Variants in UTRN observed in about 807,000 individuals in gnomAD.
The protein encoded by UTRN is utrophin.
In UTRN, 283 loss-of-function variants were observed where a neutral mutation model predicts 463.9. That is an observed-to-expected ratio of 0.61 (90% CI 0.55 to 0.67). The LOEUF (loss-of-function observed/expected upper bound fraction) is 0.67, where lower values mean the gene tolerates loss of function less well. UTRN is among the 30% of genes least tolerant of loss of function. The pLI is 0.00. For synonymous variants in UTRN, 1,442 were observed against 1,431.5 expected, an observed-to-expected ratio of 1.01 and a Z score of -0.17; for missense variants, 3,922 against 4,084.3, an observed-to-expected ratio of 0.96 and a Z score of 1.08.
At chr6:144,370,917 G>A (rs1200293145) in intron 2 of UTRN, among the ~76,000 whole-genome samples, 1 of 152,156 alleles carries the variant, frequency 6.6e-6, no homozygotes, top group Non-Finnish European at 1.5e-5. Context: ...AAGATCAAGT[G>A]AGCTTTTGCC....
chr6:144,835,888 A>T lies in UTRN; in HGVS notation c.9774A>T (p.Glu3258Asp). The change falls in exon 70 of 75, where the codon GAA becomes GAT. Residue 3258 changes from glutamate (E) to aspartate (D), a missense_variant. Physicochemically the swap from Glu to Asp is conservative, Grantham distance 45 (BLOSUM62 2). Transcript: ENST00000367545. ...PAQILKSVER[E>D]ERGELERIIA... ...AGATCCTGAAGTCAGTAGAGAGGGA[A>T]GAACGTGGAGAACTGGAGAGGATCA... is the stretch of plus-strand genomic sequence containing the variant. 2.5e-6 allele frequency: 4 copies of T among 1,614,150 alleles called. No homozygotes were observed. Among genetic ancestry groups the T allele is most frequent in the Non-Finnish European group, 2.5e-6 (3 of 1,179,982 alleles).
intron 2 of UTRN, among the ~76,000 whole-genome samples, chr6:144,309,488 G>A (rs1409847089): frequency 6.6e-6 from 1 of 152,146 alleles, no homozygotes; most frequent in Non-Finnish European, 1.5e-5. Context: ...CCCAGTTTTG[G>A]AGTCATCTTT....
rs1188956337 is a variant in UTRN at position 144,604,091 on chromosome 6, T to C, written c.7479+26803T>C. ...AGATACTGTTTTACATTTGATTATG[T>C]TACTTTCGAGGTCTATGAGCCCTTT... On this transcript the variant is annotated intron_variant, in intron 51 of 74. Transcript: ENST00000367545. 2.6e-5 allele frequency among the ~76,000 whole-genome samples: 4 copies of C among 152,228 alleles called. No homozygotes were observed. In the East Asian group the frequency reaches 7.7e-4, roughly 29 times the overall value.
intron 23 of UTRN, among the ~76,000 whole-genome samples, chr6:144,469,168 A>T (rs1199298041): frequency 6.6e-6 from 1 of 152,236 alleles, no homozygotes; most frequent in Non-Finnish European, 1.5e-5. Context: ...TACAGGATAG[A>T]ACAAGCATTA....
chr6:144,463,299 C>T (rs1282774562), intron 23 of UTRN, among the ~76,000 whole-genome samples: 1 of 152,110 alleles, frequency 6.6e-6, no homozygotes, highest in Non-Finnish European at 1.5e-5. Context: ...AGGCCATTGA[C>T]AGTGTCAGAG....
In UTRN at chr6:144,285,522, C is replaced by T. The variant is rs747676863; in HGVS notation, c.-392C>T. Among the ~76,000 whole-genome samples, 3 of 152,216 alleles carry T rather than the reference C, an allele frequency of 2.0e-5. No homozygotes were observed. Among genetic ancestry groups the T allele is most frequent in the Non-Finnish European group, 4.4e-5 (3 of 68,028 alleles). On this transcript the variant is annotated 5_prime_UTR_variant, in exon 1 of 75. Coordinates refer to ENST00000367545, the MANE Select transcript of UTRN (RefSeq NM_007124.3). ...GTTTGGCAAAGTTGGTGCCTGCGCG[C>T]CCCTTCCAGGTTTGCGCTTTGACTG...
chr6:144,470,127 G>C (rs71503181), intron 23 of UTRN, among the ~76,000 whole-genome samples: 1 of 152,146 alleles, frequency 6.6e-6, no homozygotes, highest in Non-Finnish European at 1.5e-5. Context: ...GCAACAATCC[G>C]ATCTCTCCTT....
intron 40 of UTRN, among the ~76,000 whole-genome samples, 185 bp downstream of exon 40, chr6:144,522,356 A>C (rs1438860501): frequency 6.6e-6 from 1 of 152,202 alleles, no homozygotes; most frequent in African/African-American, 2.4e-5. Context: ...TGAATTTTTA[A>C]AAAGTGGGTA....
intron 2 of UTRN, among the ~76,000 whole-genome samples, chr6:144,343,437 G>A (rs938519117): frequency 6.8e-6 from 1 of 147,892 alleles, no homozygotes; most frequent in East Asian, 1.9e-4. Flanking sequence ...GTGGGCACCT[G>A]TAATCCCAGC....
At position 144,542,813 on chromosome 6, in the gene UTRN, A is replaced by T; in HGVS notation, c.6538A>T (p.Thr2180Ser). 1 of 1,613,710 alleles carries T rather than the reference A, an allele frequency of 6.2e-7. No individual in the cohort carries two copies. Among genetic ancestry groups the T allele is most frequent in the Non-Finnish European group, 8.5e-7 (1 of 1,179,818 alleles). Residue 2180 changes from threonine to serine, a missense_variant, in exon 46 of 75, where the codon ACC becomes TCC. By Grantham distance (58) the Thr-to-Ser change is moderately conservative (BLOSUM62 1). Coordinates refer to ENST00000367545, the MANE Select transcript of UTRN (RefSeq NM_007124.3). ...GCGGTAGATTTGCAGAGAGGTGCCT[A>T]CCACCCTGAAGGAATGCATCCAGGA... is the stretch of plus-strand genomic sequence containing the variant. ...TWNKICREVP[T>S]TLKECIQEPS...
intron 43 of UTRN, among the ~76,000 whole-genome samples, chr6:144,534,548 G>T (rs1212343986): frequency 1.3e-5 from 2 of 152,176 alleles, no homozygotes; most frequent in Non-Finnish European, 2.9e-5. Context: ...TGCATGCCTT[G>T]ACTATTCATA....
At chr6:144,665,934 C>A (rs1346373793) in intron 51 of UTRN, among the ~76,000 whole-genome samples, 1 of 152,144 alleles carries the variant, frequency 6.6e-6, no homozygotes, top group Admixed American at 6.5e-5. Context: ...TGCCATGGCC[C>A]CTCTGTGCAC....
chr6:144,458,968 A>C lies in UTRN; in HGVS notation c.2483A>C (p.Glu828Ala), dbSNP rs1789141121. 6.8e-6 allele frequency: 11 copies of C among 1,612,304 alleles called. No individual in the cohort carries two copies. Among genetic ancestry groups the C allele is most frequent in the Non-Finnish European group, 9.3e-6 (11 of 1,179,500 alleles). Reference sequence around the variant, plus strand: ...TGGGTAAAACACACTTCCATTTCTGAATCTTCCCGGCAGTCCTTGCCAAGC... The same window carrying C: ...TGGGTAAAACACACTTCCATTTCTGCATCTTCCCGGCAGTCCTTGCCAAGC... Reference protein sequence around the residue: ...EEWVKHTSISESSRQSLPSLK... With the variant: ...EEWVKHTSISASSRQSLPSLK... Residue 828 changes from glutamate to alanine, a missense_variant, in exon 20 of 75, where the codon GAA (glutamate) becomes GCA (alanine). Around this residue, in one of 3 missense-constraint regions of UTRN, gnomAD observed 2,349 missense variants for 2,303.8 expected, o/e 1.02. Coordinates refer to ENST00000367545, the MANE Select transcript of UTRN (RefSeq NM_007124.3).
intron 62 of UTRN, among the ~76,000 whole-genome samples, chr6:144,790,359 T>C (rs1391307311): frequency 6.6e-6 from 1 of 152,210 alleles, no homozygotes; most frequent in Non-Finnish European, 1.5e-5. Flanking sequence ...ATAGGATGTT[T>C]GATTATAGGC....
chr6:144,591,367 G>GA (rs1413371714), intron 51 of UTRN, among the ~76,000 whole-genome samples: 1 of 152,142 alleles, frequency 6.6e-6, no homozygotes, highest in Non-Finnish European at 1.5e-5. Flanking sequence ...GGAAATGCAA[G>GA]AAAAAACTTC....
At chr6:144,659,167 C>T (rs549920107) in intron 51 of UTRN, among the ~76,000 whole-genome samples, 1 of 152,064 alleles carries the variant, frequency 6.6e-6, no homozygotes, top group Non-Finnish European at 1.5e-5. Flanking sequence ...TGGGTTGGCT[C>T]CCAACTGGAA....
intron 34 of UTRN, among the ~76,000 whole-genome samples, chr6:144,500,242 A>T (rs1487907054): frequency 2.0e-5 from 3 of 152,200 alleles, no homozygotes; most frequent in Non-Finnish European, 4.4e-5. Flanking sequence ...ACAGTATAAA[A>T]GTGTTCCTTT....
At chr6:144,427,815 CAG>C (rs1264174626) in intron 7 of UTRN, among the ~76,000 whole-genome samples, 4 of 152,272 alleles carry the variant, frequency 2.6e-5, no homozygotes, top group African/African-American at 9.6e-5. Flanking sequence ...GTGCTAGACA[CAG>C]GGTATACAGC....
chr6:144,294,625 C>T (rs1042543861), intron 2 of UTRN, among the ~76,000 whole-genome samples: 3 of 151,510 alleles, frequency 2.0e-5, no homozygotes, highest in East Asian at 1.9e-4. Context: ...AGTGGGGGGA[C>T]GGAGAGTGTG....
Sources: gnomAD v4.1 joint callset for allele counts (sites outside exome capture counted in the v4.1 genomes callset) on GRCh38, gnomAD v4.1.1 for gene constraint, gnomAD v4.1.1 regional missense constraint, MANE v1.5 for transcripts, NCBI Gene and HGNC (gene_info 2026-07-23, HGNC 2026-07-21) for gene names.